The following COL6A5 variants were observed in gnomAD, a reference collection of about 807,000 sequenced individuals.
COL6A5 encodes the protein collagen alpha-5(VI) chain.
In COL6A5, 48 loss-of-function variants were observed where a neutral mutation model predicts 65.6. The ratio of observed to expected loss-of-function variants is 0.73; its 90% CI spans 0.58 to 0.93. The LOEUF is 0.93. Among genes scored for constraint, COL6A5 ranks in the 40% least tolerant of loss-of-function variants. The pLI is 0.00. For synonymous variants in COL6A5, 291 were observed against 322.8 expected (o/e 0.90, Z 1.05); for missense variants, 914 against 928.3 (o/e 0.98, Z 0.20).
At chr3:130,462,381 G>A (rs1372614231) in intron 5 of COL6A5, among the ~76,000 whole-genome samples, 1 of 152,146 alleles carries the variant, frequency 6.6e-6, no homozygotes, top group African/African-American at 2.4e-5. Context: ...ACTTGTGCAT[G>A]TGTCTGTAAG....
At chr3:130,471,266 G>GA (rs775920293) in intron 7 of COL6A5, among the ~76,000 whole-genome samples, 18 of 151,984 alleles carry the variant, frequency 1.2e-4, no homozygotes, top group Non-Finnish European at 2.2e-4. Flanking sequence ...CCAATATTGG[G>GA]TACTGCCAAA....
chr3:130,385,419 G>C, intron 5 of COL6A5, 55 bp downstream of exon 5: 2 of 1,485,166 alleles, frequency 1.3e-6, no homozygotes, highest in Non-Finnish European at 1.8e-6. Flanking sequence ...GCTTTAGGCA[G>C]ATTAATGGCC....
chr3:130,435,211 G>T (rs946994810), intron 1 of COL6A5, among the ~76,000 whole-genome samples: 3 of 152,108 alleles, frequency 2.0e-5, no homozygotes, highest in Non-Finnish European at 4.4e-5. Flanking sequence ...TTTCCCCATT[G>T]CTTGTTTTTG....
intron 4 of COL6A5, 79 bp downstream of exon 36, chr3:130,443,645 A>G (rs768867926): frequency 6.0e-6 from 5 of 834,872 alleles, no homozygotes; most frequent in Non-Finnish European, 1.0e-5. Flanking sequence ...ACACTTTATT[A>G]GGCTGATGAT....
intron 1 of COL6A5, among the ~76,000 whole-genome samples, chr3:130,356,502 G>A (rs571367174): frequency 9.1e-4 from 137 of 150,208 alleles, no homozygotes; most frequent in African/African-American, 3.2e-3. Flanking sequence ...AAGTAATTGC[G>A]GTTTTGCCAT....
exon 4 of COL6A5, chr3:130,379,659 G>T (rs1259747495): frequency 1.3e-6 from 2 of 1,551,310 alleles, no homozygotes; most frequent in African/African-American, 1.4e-5. Context: ...AGCAAATCAA[G>T]AATCTTTCTA....
chr3:130,416,634 A>T, intron 23 of COL6A5, 123 bp from the exon 24 acceptor site: 1 of 669,518 alleles, frequency 1.5e-6, no homozygotes, highest in Non-Finnish European at 2.6e-6. Context: ...GGGTGGCTGG[A>T]TCTTTTGTTA....
intron 18 of COL6A5, 130 bp from the exon 19 acceptor site, chr3:130,409,879 C>T (rs1282043849): frequency 5.7e-5 from 33 of 576,134 alleles, no homozygotes; most frequent in Middle Eastern, 3.8e-4. Context: ...CTGTGAGTTT[C>T]GAATATGAAA....
chr3:130,352,855 C>T (rs1374499389), intron 1 of COL6A5, among the ~76,000 whole-genome samples: 1 of 152,172 alleles, frequency 6.6e-6, no homozygotes, highest in African/African-American at 2.4e-5. Flanking sequence ...GCCCATCTAC[C>T]TTAGTTCAAA....
chr3:130,455,788 A>G, intron 5 of COL6A5, 122 bp downstream of exon 37: 2 of 706,136 alleles, frequency 2.8e-6, no homozygotes, highest in South Asian at 1.9e-5. Flanking sequence ...AAAGTTCATT[A>G]TGGTAGATAC....
intron 7 of COL6A5, among the ~76,000 whole-genome samples, chr3:130,393,067 GTT>G (rs59517354): frequency 2.1e-4 from 23 of 109,240 alleles, no homozygotes; most frequent in Middle Eastern, 4.6e-3. Context: ...TGCTTACAGT[GTT>G]TTTTTTTTGT....
intron 1 of COL6A5, among the ~76,000 whole-genome samples, chr3:130,435,230 G>A (rs879219708): frequency 6.6e-6 from 1 of 152,140 alleles, no homozygotes; most frequent in East Asian, 1.9e-4. Flanking sequence ...TGTTAGGTTT[G>A]TCGAAGATCA....
At position 130,423,912 on chromosome 3, in the gene COL6A5, C is replaced by T. The variant is rs1441017270; in HGVS notation, c.5163+12C>T. 3 of 1,540,428 alleles carry T rather than the reference C, an allele frequency of 1.9e-6. No homozygotes were observed. In the African/African-American group the frequency reaches 4.1e-5, roughly 21 times the overall value. On this transcript the variant is annotated intron_variant and NMD_transcript_variant, in intron 29 of 41. Transcript: ENST00000312481. Reference sequence around the variant, plus strand: ...CTCCTGGACAGAGAGTAAGTGTATCCATAAGAACTAAATAGGATATAGTAG... The same window carrying T: ...CTCCTGGACAGAGAGTAAGTGTATCTATAAGAACTAAATAGGATATAGTAG...
At position 130,452,110 on chromosome 3, in the gene COL6A5, A is replaced by G. The variant is rs150461782; in HGVS notation, c.1333-3345A>G. 8.1e-3 allele frequency among the ~76,000 whole-genome samples: 1,231 copies of G among 152,258 alleles called. 15 individuals are homozygous for G. Among genetic ancestry groups the G allele is most frequent in the African/African-American group, 0.028 (1,179 of 41,558 alleles). On this transcript the variant is annotated intron_variant, in intron 4 of 7. Coordinates refer to ENST00000512836, the Ensembl canonical transcript of COL6A5. ...CCCTGTTTTAACAGGAGTTTAATAT[A>G]GCAGAGATAAGCATGATGCTTAGAC...
intron 7 of COL6A5, among the ~76,000 whole-genome samples, chr3:130,479,699 A>C (rs936241565): frequency 2.0e-5 from 3 of 152,156 alleles, no homozygotes; most frequent in Non-Finnish European, 4.4e-5. Flanking sequence ...TTGAAGCTTC[A>C]AAATTCTGAA....
chr3:130,461,956 G>C (rs886112241), intron 5 of COL6A5, among the ~76,000 whole-genome samples: 6 of 151,828 alleles, frequency 4.0e-5, no homozygotes, highest in African/African-American at 1.4e-4. Flanking sequence ...TGACCCACAA[G>C]GCTCACTTTT....
At chr3:130,391,138 A>G (rs776240225) in intron 6 of COL6A5, 41 bp from the exon 7 acceptor site, 6 of 1,393,234 alleles carry the variant, frequency 4.3e-6, no homozygotes, top group Non-Finnish European at 9.9e-7. Context: ...CGTAGAATGC[A>G]CTGCAGAAAG....
intron 8 of COL6A5, among the ~76,000 whole-genome samples, chr3:130,396,546 G>C (rs980919945): frequency 9.8e-5 from 15 of 152,330 alleles, no homozygotes; most frequent in African/African-American, 2.9e-4. Context: ...TTTGTTTGTC[G>C]CATCCAGCGT....
chr3:130,439,526 A>G, exon 2 of COL6A5: 1 of 1,549,660 alleles, frequency 6.5e-7, no homozygotes, highest in Non-Finnish European at 8.7e-7. Flanking sequence ...ATGCAGTTTG[A>G]CAACACTGGA....
Sources: gnomAD v4.1 joint callset for allele counts (sites outside exome capture counted in the v4.1 genomes callset) on GRCh38, gnomAD v4.1.1 for gene constraint, MANE v1.5 for transcripts, NCBI Gene and HGNC (gene_info 2026-07-23, HGNC 2026-07-21) for gene names.